Variants in CYB5R4 observed in about 807,000 individuals in gnomAD.
CYB5R4 encodes the protein N-terminal cytochrome b5 and cytochrome b5 oxidoreductase domain-containing protein.
In CYB5R4, 55 loss-of-function variants were observed where a neutral mutation model predicts 70.2. That is an observed-to-expected ratio of 0.78 (90% confidence interval 0.63 to 0.98). CYB5R4 has a LOEUF of 0.98. Among genes scored for constraint, CYB5R4 ranks in the 50% least tolerant of loss-of-function variants. The probability of loss-of-function intolerance (pLI) is 0.00; values close to 1 mark genes in which losing one functional copy is unlikely to be tolerated. For synonymous variants in CYB5R4, 197 were observed against 199.5 expected, an observed-to-expected ratio of 0.99 and a Z score of 0.11; for missense variants, 562 against 612.6, an observed-to-expected ratio of 0.92 and a Z score of 0.87.
At chr6:83,959,802 G>C (rs775867554) in intron 15 of CYB5R4, 22 bp from the exon 16 acceptor site, 4 of 1,586,304 alleles carry the variant, frequency 2.5e-6, no homozygotes, top group South Asian at 1.2e-5. Flanking sequence ...TAAGAAACAT[G>C]TGCTTTTTAT....
At chr6:83,865,043 T>C (rs778190141) in intron 2 of CYB5R4, among the ~76,000 whole-genome samples, 7 of 152,184 alleles carry the variant, frequency 4.6e-5, no homozygotes, top group African/African-American at 1.4e-4. Flanking sequence ...AAGGGAAATA[T>C]ATCATTTTTG....
In CYB5R4 at chr6:83,961,911, TG is replaced by T. The variant is rs1366697713; in HGVS notation, c.*2034del. On this transcript the variant is annotated 3_prime_UTR_variant, in exon 16 of 16. Transcript: ENST00000369681. The stretch of plus-strand genomic sequence containing the variant: ...TTTTATTTATATTTTGTTTATATTT[TG>T]TTATATTTTATTATATTTTGTTATA... The T allele has an allele frequency of 6.7e-6, 1 of 148,496 alleles. No homozygotes were observed. Among genetic ancestry groups the T allele is most frequent in the East Asian group, 1.9e-4 (1 of 5,196 alleles). 9.2% of individuals were successfully genotyped at this position (148,496 alleles called of 1,614,324 possible).
chr6:83,864,102 G>T, intron 1 of CYB5R4, 73 bp from the exon 2 acceptor site: 2 of 1,328,642 alleles, frequency 1.5e-6, no homozygotes, highest in East Asian at 2.5e-5. Flanking sequence ...TGTTAGATTT[G>T]AGTTTTATTA....
intron 2 of CYB5R4, among the ~76,000 whole-genome samples, chr6:83,877,076 C>A (rs80292093): frequency 6.6e-6 from 1 of 152,162 alleles, no homozygotes; most frequent in African/African-American, 2.4e-5. Context: ...GTGATCCACC[C>A]GCCTCGGCCT....
intron 4 of CYB5R4, among the ~76,000 whole-genome samples, chr6:83,914,089 A>G (rs2099465102): frequency 6.6e-6 from 1 of 152,236 alleles, no homozygotes; most frequent in Non-Finnish European, 1.5e-5. Context: ...AATTTAAAAT[A>G]TGATAACACG....
At chr6:83,958,645 C>T (rs1005033328) in intron 15 of CYB5R4, among the ~76,000 whole-genome samples, 1 of 152,172 alleles carries the variant, frequency 6.6e-6, no homozygotes, top group African/African-American at 2.4e-5. Context: ...AGAGGCTTTA[C>T]TGCTGCACTG....
intron 12 of CYB5R4, among the ~76,000 whole-genome samples, chr6:83,937,342 C>T (rs1487823384): frequency 6.6e-6 from 1 of 151,942 alleles, no homozygotes; most frequent in Non-Finnish European, 1.5e-5. Flanking sequence ...ATGGAGCCCT[C>T]CTCTTCCCCT....
chr6:83,930,763 G>A (rs536971429), intron 10 of CYB5R4, among the ~76,000 whole-genome samples: 4 of 149,666 alleles, frequency 2.7e-5, no homozygotes, highest in East Asian at 3.9e-4. Context: ...TTTGAAGCCC[G>A]CTGTTGAGAC....
intron 12 of CYB5R4, among the ~76,000 whole-genome samples, chr6:83,938,684 G>A (rs1217382342): frequency 6.6e-6 from 1 of 152,158 alleles, no homozygotes; most frequent in East Asian, 1.9e-4. Context: ...AATCAATTTT[G>A]TTAACATTGG....
At chr6:83,921,219 T>C (rs765184465) in intron 8 of CYB5R4, 44 bp downstream of exon 8, 1 of 1,401,152 alleles carries the variant, frequency 7.1e-7, no homozygotes, top group South Asian at 1.4e-5. Flanking sequence ...CTGGTTTTCT[T>C]TAAATATGGC....
intron 4 of CYB5R4, among the ~76,000 whole-genome samples, chr6:83,912,438 A>G (rs1562837145): frequency 6.6e-6 from 1 of 152,174 alleles, no homozygotes; most frequent in Non-Finnish European, 1.5e-5. Flanking sequence ...ATTCCAGGGT[A>G]TCCTCCTGTG....
intron 3 of CYB5R4, 120 bp from the exon 4 acceptor site, chr6:83,908,889 T>A: frequency 1.4e-6 from 1 of 691,650 alleles, no homozygotes; most frequent in Non-Finnish European, 2.6e-6. Flanking sequence ...TGAATATGCT[T>A]CTTAGTTTTT....
rs550768001 is a variant in CYB5R4 at position 83,911,448 on chromosome 6, T to G, written c.412+2358T>G. On this transcript the variant is annotated intron_variant, in intron 4 of 15. Coordinates refer to ENST00000369681, the MANE Select transcript of CYB5R4 (RefSeq NM_016230.4). ...TTTAGGACTTTGTGAGTAAGATCCCTGGCAACAAGACTGAGCTCTTATCTG... is the reference window on the plus strand; with the variant it reads ...TTTAGGACTTTGTGAGTAAGATCCCGGGCAACAAGACTGAGCTCTTATCTG... 3.9e-5 allele frequency among the ~76,000 whole-genome samples: 6 copies of G among 152,246 alleles called. No individual in the cohort carries two copies. The South Asian group carries it at 1.2e-3, about 32-fold the overall frequency.
At chr6:83,957,759 A>G (rs1476867985) in intron 15 of CYB5R4, among the ~76,000 whole-genome samples, 1 of 151,964 alleles carries the variant, frequency 6.6e-6, no homozygotes, top group Non-Finnish European at 1.5e-5. Context: ...TAATCATTAC[A>G]TGTGGATTCC....
chr6:83,928,500 G>GA lies in CYB5R4; in HGVS notation c.814+3918dup, dbSNP rs139763646. 4.7e-3 allele frequency among the ~76,000 whole-genome samples: 692 copies of GA among 146,020 alleles called. 3 individuals carry two copies. The highest frequency in any genetic ancestry group is 0.014 in the African/African-American group (561 of 40,016). ...TTCAAAGTGAGGTCCATGGCTTTCA[G>GA]AAAAAAAAAACAAAACAAAAACTAT... On this transcript the variant is annotated intron_variant, in intron 10 of 15. Transcript: ENST00000369681.
intron 2 of CYB5R4, among the ~76,000 whole-genome samples, chr6:83,869,650 A>G (rs2129128461): frequency 1.3e-5 from 2 of 152,272 alleles, no homozygotes; most frequent in South Asian, 4.1e-4. Flanking sequence ...CCAACATGGC[A>G]AAACTCCAGC....
chr6:83,870,431 A>C (rs961146374), intron 2 of CYB5R4, among the ~76,000 whole-genome samples: 1 of 145,360 alleles, frequency 6.9e-6, no homozygotes, highest in Non-Finnish European at 1.5e-5. Flanking sequence ...AATAGAGCTG[A>C]TTTATCTAAC....
At chr6:83,908,454 T>C (rs2099464154) in intron 3 of CYB5R4, among the ~76,000 whole-genome samples, 1 of 152,212 alleles carries the variant, frequency 6.6e-6, no homozygotes. Context: ...ACTAATCTTT[T>C]TGAGAATTTC....
intron 4 of CYB5R4, among the ~76,000 whole-genome samples, chr6:83,913,359 G>T (rs774897684): frequency 6.6e-6 from 1 of 152,176 alleles, no homozygotes; most frequent in Non-Finnish European, 1.5e-5. Context: ...AGAAAAATGG[G>T]ACTGTGTTTC....
Sources: gnomAD v4.1 joint callset for allele counts (sites outside exome capture counted in the v4.1 genomes callset) on GRCh38, gnomAD v4.1.1 for gene constraint, MANE v1.5 for transcripts, NCBI Gene and HGNC (gene_info 2026-07-23, HGNC 2026-07-21) for gene names.